The following FBXO21 variants were observed in gnomAD, a reference collection of about 807,000 sequenced individuals.
The protein encoded by FBXO21 is F-box protein 21, also known as F-box only protein 21.
FBXO21 carries 32 observed loss-of-function variants against 76.6 expected under a neutral mutation model. The ratio of observed to expected loss-of-function variants is 0.42; its 90% CI spans 0.32 to 0.56. FBXO21 has a LOEUF of 0.56. Ranked by LOEUF, FBXO21 falls within the 20% of genes least tolerant of loss-of-function variation. FBXO21 has a pLI of 0.16. For synonymous variants in FBXO21, 328 were observed against 311.5 expected (o/e 1.05, Z -0.56); for missense variants, 586 against 797.3 (o/e 0.73, Z 3.19).
At chr12:117,175,229 G>C (rs570128964) in intron 4 of FBXO21, among the ~76,000 whole-genome samples, 1 of 152,050 alleles carries the variant, frequency 6.6e-6, no homozygotes, top group Non-Finnish European at 1.5e-5. Flanking sequence ...AAAACAACTT[G>C]AAAGCCCTCC....
At position 117,157,988 on chromosome 12, in the gene FBXO21, TGTGCTGCACCAGGTAGCCCACCGCCCC is replaced by T; in HGVS notation, c.1375_1401del (p.Gly459_His467del). ...TTTTTGCGCTCAATGTGCTCTAGAGTGTGCTGCACCAGGTAGCCCACCGCCCCGTGCTGCCCCGGGTCTAGGGTTTGG... is the reference window on the plus strand; with the variant it reads ...TTTTTGCGCTCAATGTGCTCTAGAGTGTGCTGCCCCGGGTCTAGGGTTTGG... On this transcript the variant is annotated inframe_deletion, in exon 10 of 12. Coordinates refer to ENST00000622495, the MANE Select transcript of FBXO21 (RefSeq NM_015002.3). The T allele has an allele frequency of 1.2e-6, 2 of 1,614,196 alleles. No individual in the cohort carries two copies. Among genetic ancestry groups the T allele is most frequent in the Non-Finnish European group, 1.7e-6 (2 of 1,180,040 alleles).
chr12:117,160,288 T>C lies in FBXO21; in HGVS notation c.1327-2225A>G, dbSNP rs1234743560. On this transcript the variant is annotated intron_variant, in intron 9 of 11. Coordinates refer to ENST00000622495, the MANE Select transcript of FBXO21 (RefSeq NM_015002.3). ...GTGAATCTGGCCCACAAGCTATAGT[T>C]TGCTGGCCCCTGCTCTGTCCCTGAA... is the stretch of plus-strand genomic sequence containing the variant. Among the ~76,000 whole-genome samples the C allele has an allele frequency of 2.0e-5, 3 of 152,284 alleles. No homozygotes were observed. The East Asian group carries it at 5.8e-4, about 29-fold the overall frequency.
Position 117,174,336 on chromosome 12 carries a change from A to G in FBXO21, c.745T>C (p.Ser249Pro), listed in dbSNP as rs1956152477. Residue 249 changes from serine (S) to proline (P), a missense_variant, in exon 6 of 12, where the codon TCA becomes CCA. Physicochemically the swap from Ser to Pro is moderately conservative, Grantham distance 74. Around this residue, in one of 6 missense-constraint regions of FBXO21, gnomAD observed 246 missense variants for 356.8 expected, o/e 0.69. Coordinates refer to ENST00000622495, the MANE Select transcript of FBXO21 (RefSeq NM_015002.3). ...AGTTCTATTTCCATTATCATGGATGATTCACCTGAAACACAGAGATCTACT... is the reference window on the plus strand; with the variant it reads ...AGTTCTATTTCCATTATCATGGATGGTTCACCTGAAACACAGAGATCTACT... The part of the protein sequence containing the change: ...HPSLAFKAGE[S>P]SMIMEIELQS... 1 of 1,613,124 alleles carries G rather than the reference A, an allele frequency of 6.2e-7. No individual in the cohort carries two copies. Among genetic ancestry groups the G allele is most frequent in the African/African-American group, 1.3e-5 (1 of 74,552 alleles).
intron 3 of FBXO21, among the ~76,000 whole-genome samples, chr12:117,184,623 G>A (rs1185228681): frequency 6.6e-6 from 1 of 152,064 alleles, no homozygotes; most frequent in Non-Finnish European, 1.5e-5. Flanking sequence ...TGTGGTGGTG[G>A]GCACCTGTAA....
chr12:117,172,684 GCACCTATTGTGCATTGGGCATGATGCT>G, intron 6 of FBXO21, 77 bp from the exon 7 acceptor site: 1 of 1,480,794 alleles, frequency 6.8e-7, no homozygotes, highest in Non-Finnish European at 9.3e-7. Context: ...TTCTCATTAG[GCACCTATTGTGCATTGGGCATGATGCT>G]CATTTGTGAG....
rs1348880015 is a variant in FBXO21, at chr12:117,142,956, T to C, written c.*3131A>G. The C allele has an allele frequency of 2.0e-5, 3 of 152,176 alleles. No individual in the cohort carries two copies. Among genetic ancestry groups the C allele is most frequent in the Non-Finnish European group, 4.4e-5 (3 of 68,034 alleles). The allele number at this position is 152,176 out of a possible 1,614,324, so 9.4% of individuals were successfully genotyped here. A position where few individuals can be genotyped will look rare whatever the true frequency, so the allele number is the denominator to read the frequency against. On this transcript the variant is annotated 3_prime_UTR_variant, in exon 12 of 12. Coordinates refer to ENST00000622495, the MANE Select transcript of FBXO21 (RefSeq NM_015002.3). ...CAATGGAAAACTGAGCCGGCAACAG[T>C]ACTTAATGCTGGTTTTCTCAATAAA...
At chr12:117,152,042 G>A (rs1021997329) in intron 11 of FBXO21, among the ~76,000 whole-genome samples, 11 of 151,168 alleles carry the variant, frequency 7.3e-5, no homozygotes, top group Non-Finnish European at 1.2e-4. Context: ...TGGGAAGCAC[G>A]GGGCGAGGGA....
chr12:117,148,770 G>A (rs1300249651), intron 11 of FBXO21, among the ~76,000 whole-genome samples: 2 of 152,186 alleles, frequency 1.3e-5, no homozygotes, highest in Non-Finnish European at 2.9e-5. Flanking sequence ...CAGGCGGGGA[G>A]GGGCTGGGTA....
At position 117,189,310 on chromosome 12, in the gene FBXO21, C is replaced by A; in HGVS notation, c.292G>T (p.Glu98Ter). ...GCTTTTTGCCGAACTTTATACTCTT[C>A]CAACCAATTGACGTAGTCGGTGGGG... Reference protein sequence around the residue: ...YSPTDYVNWLEEYKVRQKAGL... With the variant: ...YSPTDYVNWL The change falls in exon 2 of 12, where the codon GAA becomes TAA. Residue 98 changes from glutamate to a stop codon, truncating the protein, a stop_gained. Transcript: ENST00000622495. LOFTEE classifies it high-confidence loss of function. The A allele has an allele frequency of 6.2e-7, 1 of 1,614,156 alleles. No individual in the cohort carries two copies. Among genetic ancestry groups the A allele is most frequent in the Non-Finnish European group, 8.5e-7 (1 of 1,180,014 alleles).
intron 2 of FBXO21, among the ~76,000 whole-genome samples, chr12:117,188,282 C>T (rs1049691109): frequency 2.0e-5 from 3 of 152,196 alleles, no homozygotes; most frequent in Non-Finnish European, 2.9e-5. Flanking sequence ...CGGTGGCTCA[C>T]GCCTGTAATC....
chr12:117,155,879 G>C lies in FBXO21; in HGVS notation c.1587C>G (p.Asn529Lys). The change falls in exon 11 of 12, where the codon AAC becomes AAG. Residue 529 changes from asparagine to lysine, a missense_variant. Around this residue, in one of 6 missense-constraint regions of FBXO21, gnomAD observed 164 missense variants for 236.7 expected, o/e 0.69. Coordinates refer to ENST00000622495, the MANE Select transcript of FBXO21 (RefSeq NM_015002.3). ...TCMMGHEWIR[N>K]MNVHSLPHGH... ...CGTGCGGCAGGCTGTGGACGTTCAT[G>C]TTCCGGATCCACTCGTGTCCCATCA... is the stretch of plus-strand genomic sequence containing the variant. The C allele has an allele frequency of 1.2e-6, 2 of 1,614,222 alleles. No homozygotes were observed. The highest frequency in any genetic ancestry group is 1.7e-6 in the Non-Finnish European group (2 of 1,180,030).
intron 11 of FBXO21, among the ~76,000 whole-genome samples, chr12:117,148,865 T>C (rs1368411689): frequency 6.6e-6 from 1 of 152,224 alleles, no homozygotes; most frequent in Non-Finnish European, 1.5e-5. Context: ...CCTCCCACTT[T>C]TCCCCGAAGG....
At chr12:117,154,940 C>T (rs1206727352) in intron 11 of FBXO21, 2 of 152,226 alleles carry the variant, frequency 1.3e-5, no homozygotes, top group African/African-American at 2.4e-5. Flanking sequence ...AAGTTAAAAT[C>T]TCAATGGCTT....
chr12:117,152,318 T>C (rs112323807), intron 11 of FBXO21, among the ~76,000 whole-genome samples: 3,528 of 152,012 alleles, frequency 0.023, 57 homozygotes, highest in Non-Finnish European at 0.038. Context: ...ACACAAAAAA[T>C]AGCCAGGTGT....
chr12:117,153,054 C>T (rs1488140970), intron 11 of FBXO21, among the ~76,000 whole-genome samples: 1 of 151,966 alleles, frequency 6.6e-6, no homozygotes, highest in Non-Finnish European at 1.5e-5. Flanking sequence ...CACTGCCTGC[C>T]GATGAGAAAC....
At chr12:117,182,439 T>TGATTGCA (rs1176458302) in intron 3 of FBXO21, among the ~76,000 whole-genome samples, 1 of 151,900 alleles carries the variant, frequency 6.6e-6, no homozygotes, top group African/African-American at 2.4e-5. Context: ...CAGTGAGCCA[T>TGATTGCA]GATTGCACCA....
intron 11 of FBXO21, chr12:117,154,920 C>T (rs1955892583): frequency 6.6e-6 from 1 of 152,210 alleles, no homozygotes; most frequent in Admixed American, 6.5e-5. Flanking sequence ...GGCTTCAAAT[C>T]GTGTTCTCTA....
At chr12:117,174,178 C>A (rs755963973) in intron 6 of FBXO21, 27 bp downstream of exon 6, 9 of 1,559,572 alleles carry the variant, frequency 5.8e-6, no homozygotes, top group Non-Finnish European at 8.0e-6. Flanking sequence ...TATTACTATA[C>A]CCATATATTA....
chr12:117,183,031 T>C (rs999439513), intron 3 of FBXO21, among the ~76,000 whole-genome samples: 2 of 152,172 alleles, frequency 1.3e-5, no homozygotes, highest in African/African-American at 4.8e-5. Flanking sequence ...GGTTTGAGTC[T>C]GCAGTGAGCT....
Sources: gnomAD v4.1 joint callset for allele counts (sites outside exome capture counted in the v4.1 genomes callset) on GRCh38, gnomAD v4.1.1 for gene constraint, gnomAD v4.1.1 regional missense constraint, MANE v1.5 for transcripts, NCBI Gene and HGNC (gene_info 2026-07-23, HGNC 2026-07-21) for gene names.